The following TAF5 variants were observed in gnomAD, a reference collection of about 807,000 sequenced individuals.
TAF5 encodes TATA-box binding protein associated factor 5.
In TAF5, 20 loss-of-function variants were observed where a neutral mutation model predicts 80.9. That is an observed-to-expected ratio of 0.25 (90% CI 0.17 to 0.36). TAF5 has a LOEUF of 0.36. Ranked by LOEUF, TAF5 falls within the 10% of genes least tolerant of loss-of-function variation. TAF5 has a pLI of 1.00. For synonymous variants in TAF5, 388 were observed against 406.4 expected, an observed-to-expected ratio of 0.95 and a Z score of 0.55; for missense variants, 863 against 1,029.4, an observed-to-expected ratio of 0.84 and a Z score of 2.21.
At chr10:103,368,707 C>T (rs1242993234) in intron 1 of TAF5, among the ~76,000 whole-genome samples, 159 bp downstream of exon 1, 1 of 152,218 alleles carries the variant, frequency 6.6e-6, no homozygotes, top group Non-Finnish European at 1.5e-5. Flanking sequence ...GCGGGCTGCG[C>T]AGTCAAACCC....
chr10:103,379,704 A>C lies in TAF5; in HGVS notation c.1210A>C (p.Lys404Gln). The change falls in exon 4 of 11, where the codon AAG becomes CAG. Residue 404 changes from lysine to glutamine, a missense_variant. By Grantham distance (53) the Lys-to-Gln change is moderately conservative (BLOSUM62 1). This residue lies in a region of TAF5 where 128 missense variants were observed against 232.2 expected (regional missense o/e 0.55). Transcript: ENST00000369839. Reference sequence around the variant, plus strand: ...TGAAGAAGGAAAACCTAAAAAGAAGAAGCCTAAAAAAGATAGTATTGGATC... The same window carrying C: ...TGAAGAAGGAAAACCTAAAAAGAAGCAGCCTAAAAAAGATAGTATTGGATC... The part of the protein sequence containing the change: ...ENEEGKPKKK[K>Q]PKKDSIGSKS... The C allele has an allele frequency of 6.2e-7, 1 of 1,610,776 alleles. No individual in the cohort carries two copies. The highest frequency in any genetic ancestry group is 8.5e-7 in the Non-Finnish European group (1 of 1,179,400).
intron 7 of TAF5, among the ~76,000 whole-genome samples, chr10:103,383,966 T>TA (rs55719019): frequency 3.4e-5 from 5 of 147,926 alleles, no homozygotes; most frequent in Non-Finnish European, 7.5e-5. Flanking sequence ...TTTTTTTTTT[T>TA]AATTATTTTT....
chr10:103,368,599 C>G (rs1389111873), intron 1 of TAF5, 51 bp downstream of exon 1: 6 of 1,445,504 alleles, frequency 4.2e-6, no homozygotes, highest in Admixed American at 2.7e-5. Flanking sequence ...GGGAGCAAGC[C>G]GGTAAGGCAG....
At chr10:103,383,511 T>C (rs2093387986) in intron 7 of TAF5, 144 bp downstream of exon 7, 1 of 800,532 alleles carries the variant, frequency 1.2e-6, no homozygotes, top group South Asian at 2.4e-5. Flanking sequence ...TTTTAGAATC[T>C]TGCCATTTGC....
At chr10:103,385,735 GC>G (rs1391100571) in intron 8 of TAF5, among the ~76,000 whole-genome samples, 6 of 151,732 alleles carry the variant, frequency 4.0e-5, no homozygotes. Context: ...GACCAGCCTG[GC>G]CAACATGGTG....
rs572510215 is a variant in TAF5 at position 103,386,398 on chromosome 10, C to T, written c.1830-777C>T. Among the ~76,000 whole-genome samples, 4 of 152,194 alleles carry T rather than the reference C, an allele frequency of 2.6e-5. No individual in the cohort carries two copies. In the East Asian group the frequency reaches 7.7e-4, roughly 29 times the overall value. On this transcript the variant is annotated intron_variant, in intron 8 of 10. Coordinates refer to ENST00000369839, the MANE Select transcript of TAF5 (RefSeq NM_006951.5). ...GAGGTTGCAGTGAGCCGAGATTGCACCACGGCATTCTAGCCTGGATGACAG... is the reference window on the plus strand; with the variant it reads ...GAGGTTGCAGTGAGCCGAGATTGCATCACGGCATTCTAGCCTGGATGACAG...
At chr10:103,376,370 T>G (rs2093370051) in intron 2 of TAF5, among the ~76,000 whole-genome samples, 1 of 151,954 alleles carries the variant, frequency 6.6e-6, no homozygotes, top group African/African-American at 2.4e-5. Context: ...GGATTACAGG[T>G]GTGAGACACT....
In TAF5 at chr10:103,379,703, G is replaced by A; in HGVS notation, c.1209G>A (p.Lys403=). Residue 403 remains lysine (K), a synonymous_variant, in exon 4 of 11, where the codon AAG becomes AAA. Transcript: ENST00000369839. ...GENEEGKPKK[K]KPKKDSIGSK... is the part of the protein sequence containing the mutation. The stretch of plus-strand genomic sequence containing the variant: ...ATGAAGAAGGAAAACCTAAAAAGAA[G>A]AAGCCTAAAAAAGATAGTATTGGAT... 1 of 1,610,520 alleles carries A rather than the reference G, an allele frequency of 6.2e-7. No homozygotes were observed. Among genetic ancestry groups the A allele is most frequent in the Non-Finnish European group, 8.5e-7 (1 of 1,179,292 alleles).
Position 103,374,680 on chromosome 10 carries a change from C to G in TAF5, c.797+1085C>G, listed in dbSNP as rs2093366717. Among the ~76,000 whole-genome samples the G allele has an allele frequency of 6.6e-6, 1 of 152,078 alleles. No homozygotes were observed. Among genetic ancestry groups the G allele is most frequent in the African/African-American group, 2.4e-5 (1 of 41,392 alleles). On this transcript the variant is annotated intron_variant, in intron 2 of 10. Coordinates refer to ENST00000369839, the MANE Select transcript of TAF5 (RefSeq NM_006951.5). The surrounding 1 kb of genome is among the most constrained non-coding windows in gnomAD (Gnocchi z 4.3). ...TTTCTGCTACAGAGTCATTAAAGGA[C>G]CATGTCGTTATTAGATATATACTTT...
intron 1 of TAF5, among the ~76,000 whole-genome samples, chr10:103,373,143 G>C (rs906785464): frequency 4.0e-5 from 6 of 150,892 alleles, no homozygotes; most frequent in Non-Finnish European, 5.9e-5. Context: ...GTTGCAGTGA[G>C]CCGAGATCTC....
intron 2 of TAF5, among the ~76,000 whole-genome samples, chr10:103,375,899 A>G (rs2093368973): frequency 6.6e-6 from 1 of 151,906 alleles, no homozygotes; most frequent in Non-Finnish European, 1.5e-5. Context: ...CTCTACTAAA[A>G]ATACAAAAAT....
In TAF5 at chr10:103,388,243, T is replaced by C. The variant is rs1219011052; in HGVS notation, c.*20T>C. 1 of 1,584,560 alleles carries C rather than the reference T, an allele frequency of 6.3e-7. No homozygotes were observed. The highest frequency in any genetic ancestry group is 8.6e-7 in the Non-Finnish European group (1 of 1,163,956). On this transcript the variant is annotated 3_prime_UTR_variant, in exon 11 of 11. Coordinates refer to ENST00000369839, the MANE Select transcript of TAF5 (RefSeq NM_006951.5). ...CAATAAACCATCGGTATTAAAGACCTTTTGGAAGCTACTGTTTTTAAAAAG... is the reference window on the plus strand; with the variant it reads ...CAATAAACCATCGGTATTAAAGACCCTTTGGAAGCTACTGTTTTTAAAAAG...
rs532770572 is a variant in TAF5, at chr10:103,384,050, A to G, written c.1664+683A>G. On this transcript the variant is annotated intron_variant, in intron 7 of 10. Coordinates refer to ENST00000369839, the MANE Select transcript of TAF5 (RefSeq NM_006951.5). ...ACTCCATTAGGGGTTGAATTGCTTC[A>G]TTGGGTCCCTGCATTGTGTCTTCTG... 4.6e-5 allele frequency among the ~76,000 whole-genome samples: 7 copies of G among 151,908 alleles called. No homozygotes were observed. The South Asian group carries it at 1.5e-3, about 32-fold the overall frequency.
In TAF5 at chr10:103,368,038, C is replaced by A. The variant is rs1413490856; in HGVS notation, c.49C>A (p.Pro17Thr). 1.4e-6 allele frequency: 2 copies of A among 1,454,032 alleles called. No individual in the cohort carries two copies. Among genetic ancestry groups the A allele is most frequent in the East Asian group, 5.9e-5 (2 of 33,794 alleles). The allele number at this position is 1,454,032 out of a possible 1,614,324, so 90.1% of individuals were successfully genotyped here. Residue 17 changes from proline (P) to threonine (T), a missense_variant, in exon 1 of 11, where the codon CCT becomes ACT. Coordinates refer to ENST00000369839, the MANE Select transcript of TAF5 (RefSeq NM_006951.5). ...EQTEVAVKLE[P>T]EGPPTLLPPQ... ...GACGGAGGTGGCGGTCAAGCTAGAG[C>A]CTGAGGGACCGCCAACGCTGCTACC...
At chr10:103,372,126 G>A (rs1047911195) in intron 1 of TAF5, among the ~76,000 whole-genome samples, 1 of 151,348 alleles carries the variant, frequency 6.6e-6, no homozygotes, top group Admixed American at 6.6e-5. Flanking sequence ...TAGTAGAGAC[G>A]GGGTTTCACT....
chr10:103,375,871 A>G (rs1485955637), intron 2 of TAF5, among the ~76,000 whole-genome samples: 1 of 151,958 alleles, frequency 6.6e-6, no homozygotes, highest in Non-Finnish European at 1.5e-5. Flanking sequence ...CAGCCTGGCC[A>G]ACATAACAAA....
At chr10:103,385,925 C>CAAAAAAAA (rs761128565) in intron 8 of TAF5, among the ~76,000 whole-genome samples, 10 of 41,202 alleles carry the variant, frequency 2.4e-4, no homozygotes, top group East Asian at 8.2e-4. Context: ...GACTTCATCT[C>CAAAAAAAA]AAAAAAAAAA....
chr10:103,373,614 A>AC lies in TAF5; in HGVS notation c.797+19_797+20insC. ...TTGAGAAGTATGTAAATTTTTACATATATATATATACACACATACGTAGTG... is the reference window on the plus strand; with the variant it reads ...TTGAGAAGTATGTAAATTTTTACATACTATATATATACACACATACGTAGTG... On this transcript the variant is annotated intron_variant, in intron 2 of 10. Transcript: ENST00000369839. 6.5e-7 allele frequency: 1 copy of AC among 1,548,278 alleles called. No homozygotes were observed. The highest frequency in any genetic ancestry group is 8.9e-7 in the Non-Finnish European group (1 of 1,124,902).
chr10:103,383,419 A>G, intron 7 of TAF5, 52 bp downstream of exon 7: 3 of 1,502,152 alleles, frequency 2.0e-6, no homozygotes, highest in Non-Finnish European at 2.7e-6. Context: ...TTGAAATTAT[A>G]TAAAAGTTAA....
Sources: allele counts gnomAD v4.1 joint callset (sites outside exome capture counted in the v4.1 genomes callset), GRCh38; gene constraint gnomAD v4.1.1; regional missense constraint gnomAD v4.1.1; non-coding constraint Gnocchi (gnomAD v3.1); transcripts MANE v1.5; gene names NCBI Gene and HGNC (gene_info 2026-07-23, HGNC 2026-07-21).